TTC39C: variants seen among roughly 807,000 people sequenced by gnomAD.
The protein encoded by TTC39C is tetratricopeptide repeat protein 39C.
In TTC39C, 33 loss-of-function variants were observed where a neutral mutation model predicts 76.3. That is an observed-to-expected ratio of 0.43 (90% CI 0.33 to 0.58). The LOEUF is 0.58. TTC39C is among the 20% of genes least tolerant of loss of function. The pLI is 0.04. For synonymous variants in TTC39C, 254 were observed against 260.6 expected (o/e 0.97, Z 0.24); for missense variants, 595 against 701.4 (o/e 0.85, Z 1.71).
At chr18:24,121,179 T>G (rs1199930843) in intron 8 of TTC39C, among the ~76,000 whole-genome samples, 1 of 152,226 alleles carries the variant, frequency 6.6e-6, no homozygotes, top group Non-Finnish European at 1.5e-5. Flanking sequence ...TTGTGTATAT[T>G]TAGTCTTATT....
intron 3 of TTC39C, among the ~76,000 whole-genome samples, chr18:24,066,952 T>C (rs2084173477): frequency 6.6e-6 from 1 of 152,154 alleles, no homozygotes; most frequent in Non-Finnish European, 1.5e-5. Context: ...TGACATTTTC[T>C]CAAGTGAATA....
Position 24,085,105 on chromosome 18 carries a change from A to G in TTC39C, c.984+2024A>G, listed in dbSNP as rs575977965. Among the ~76,000 whole-genome samples, 6 of 152,336 alleles carry G rather than the reference A, an allele frequency of 3.9e-5. No homozygotes were observed. In the South Asian group the frequency reaches 1.2e-3, roughly 32 times the overall value. On this transcript the variant is annotated intron_variant, in intron 6 of 13. Transcript: ENST00000317571. ...TGGGTTTAGTGTTTAACAGATATTT[A>G]TTACAAGGGGAAAGTAAATTCATGG...
At chr18:24,119,634 C>G (rs112188510) in intron 8 of TTC39C, among the ~76,000 whole-genome samples, 6,051 of 151,854 alleles carry the variant, frequency 0.04, 331 homozygotes, top group African/African-American at 0.13. Flanking sequence ...GGCGTGTTCT[C>G]ATGGCTCTGT....
intron 10 of TTC39C, among the ~76,000 whole-genome samples, chr18:24,127,267 A>G (rs1381701175): frequency 6.6e-6 from 1 of 152,190 alleles, no homozygotes; most frequent in Non-Finnish European, 1.5e-5. Context: ...TACAATGAAG[A>G]TCTTTGTAGA....
At chr18:24,099,140 G>GTA (rs1265960394) in intron 6 of TTC39C, 3 of 145,856 alleles carry the variant, frequency 2.1e-5, no homozygotes, top group Non-Finnish European at 3.0e-5. Flanking sequence ...GTGTGTGTGT[G>GTA]TGTATGTGTG....
chr18:24,010,744 T>A (rs1194143463), upstream of TTC39C, among the ~76,000 whole-genome samples: 3 of 152,190 alleles, frequency 2.0e-5, no homozygotes, highest in Non-Finnish European at 1.5e-5. Context: ...ATTCTTCGAA[T>A]GCATTTAAAG....
intron 1 of TTC39C, among the ~76,000 whole-genome samples, chr18:23,997,672 A>AGG (rs1241693634): frequency 5.5e-5 from 8 of 145,728 alleles, no homozygotes; most frequent in African/African-American, 1.5e-4. Flanking sequence ...GAAAGAAAGA[A>AGG]AGAAAGAAAG....
chr18:24,067,320 A>G (rs143689844), intron 3 of TTC39C, among the ~76,000 whole-genome samples: 64 of 152,286 alleles, frequency 4.2e-4, no homozygotes, highest in African/African-American at 1.4e-3. Flanking sequence ...CCTCACTGCC[A>G]TCTCTGTAGG....
intron 3 of TTC39C, among the ~76,000 whole-genome samples, chr18:24,067,841 A>G (rs2084185488): frequency 6.6e-6 from 1 of 152,174 alleles, no homozygotes; most frequent in Non-Finnish European, 1.5e-5. Context: ...CCATTATAAT[A>G]AAGTACAGAC....
chr18:24,020,505 A>C (rs963539990), intron 1 of TTC39C, among the ~76,000 whole-genome samples: 6 of 152,330 alleles, frequency 3.9e-5, no homozygotes, highest in Non-Finnish European at 5.9e-5. Context: ...CTCAGTATTC[A>C]TGGGGGATTG....
intron 1 of TTC39C, among the ~76,000 whole-genome samples, chr18:24,057,522 T>TCATCACTAGAAGTCA (rs58768924): frequency 6.6e-6 from 1 of 152,126 alleles, no homozygotes; most frequent in African/African-American, 2.4e-5. Flanking sequence ...ACATTAGAAG[T>TCATCACTAGAAGTCA]GAATAGTGGT....
chr18:24,107,957 C>CA (rs1187962583), intron 6 of TTC39C, among the ~76,000 whole-genome samples: 2 of 151,908 alleles, frequency 1.3e-5, no homozygotes, highest in African/African-American at 2.4e-5. Flanking sequence ...GATGGGGTTT[C>CA]ACCATGTTGC....
chr18:24,077,446 C>T (rs1458711318), intron 4 of TTC39C, among the ~76,000 whole-genome samples: 1 of 152,230 alleles, frequency 6.6e-6, no homozygotes, highest in Non-Finnish European at 1.5e-5. Context: ...ACAATTCACT[C>T]ATCATCTCAG....
chr18:24,080,045 G>A (rs1005523746), intron 4 of TTC39C, among the ~76,000 whole-genome samples: 3 of 152,006 alleles, frequency 2.0e-5, no homozygotes, highest in African/African-American at 7.3e-5. Context: ...TAAGTAATCT[G>A]CCCACCACGG....
At chr18:24,078,973 T>G (rs1296820331) in intron 4 of TTC39C, among the ~76,000 whole-genome samples, 1 of 152,216 alleles carries the variant, frequency 6.6e-6, no homozygotes, top group Non-Finnish European at 1.5e-5. Flanking sequence ...CATCTATTCT[T>G]AGATCACTCT....
rs75886159 is a variant in TTC39C, at chr18:24,064,128, T to C, written c.168-12T>C. The C allele has an allele frequency of 6.2e-7, 1 of 1,608,908 alleles. No individual in the cohort carries two copies. Among genetic ancestry groups the C allele is most frequent in the East Asian group, 2.2e-5 (1 of 44,786 alleles). ...ATTGTATTTTGTGTGTGTGTGTGTG[T>C]TTTTTTAACAGAAATCATAGCCCAC... On this transcript the variant is annotated splice_polypyrimidine_tract_variant and intron_variant, in intron 1 of 13. Transcript: ENST00000317571.
chr18:24,030,648 C>CTTTTTTTTTTTTTTTTT lies in TTC39C; in HGVS notation c.167+15615_167+15631dup, dbSNP rs1167104790. Reference sequence around the variant, plus strand: ...TCTCTCAACAGCCCCAAAGATAGGCCTTTTTTTTTTTTTTTTTTTTTGAGA... The same window carrying CTTTTTTTTTTTTTTTTT: ...TCTCTCAACAGCCCCAAAGATAGGCCTTTTTTTTTTTTTTTTTTTTTTTTTTTTTTTTTTTTTTGAGA... On this transcript the variant is annotated intron_variant, in intron 1 of 13. Transcript: ENST00000317571. Among the ~76,000 whole-genome samples, 4 of 89,042 alleles carry CTTTTTTTTTTTTTTTTT rather than the reference C, an allele frequency of 4.5e-5. 1 individual carries two copies. The highest frequency in any genetic ancestry group is 8.2e-5 in the African/African-American group (2 of 24,260). The allele number at this position is 89,042 out of a possible 152,430, so 58.4% of individuals were successfully genotyped here. A position where few individuals can be genotyped will look rare whatever the true frequency, so the allele number is the denominator to read the frequency against.
intron 6 of TTC39C, among the ~76,000 whole-genome samples, chr18:24,090,484 A>G (rs1375622328): frequency 6.6e-6 from 1 of 152,168 alleles, no homozygotes; most frequent in Non-Finnish European, 1.5e-5. Context: ...CATGTTTTGT[A>G]TCAGAACTCT....
At chr18:24,086,368 G>A (rs1034096054) in intron 6 of TTC39C, among the ~76,000 whole-genome samples, 3 of 152,114 alleles carry the variant, frequency 2.0e-5, no homozygotes, top group East Asian at 3.9e-4. Flanking sequence ...TTCTGTACTC[G>A]TTATTTTCAA....
Sources: gnomAD v4.1 joint callset for allele counts (sites outside exome capture counted in the v4.1 genomes callset) on GRCh38, gnomAD v4.1.1 for gene constraint, MANE v1.5 for transcripts, NCBI Gene and HGNC (gene_info 2026-07-23, HGNC 2026-07-21) for gene names.